RAPH1: variants seen among roughly 807,000 people sequenced by gnomAD.
The protein encoded by RAPH1 is Ras association (RalGDS/AF-6) and pleckstrin homology domains 1.
Under a neutral mutation model 88.1 loss-of-function variants are expected in RAPH1, and 18 were observed. That is an observed-to-expected ratio of 0.20 (90% CI 0.14 to 0.30). The LOEUF (loss-of-function observed/expected upper bound fraction) is 0.30, where lower values mean the gene tolerates loss of function less well. RAPH1 is among the 10% of genes least tolerant of loss of function. The pLI is 1.00. For synonymous variants in RAPH1, 587 were observed against 559.0 expected, an observed-to-expected ratio of 1.05 and a Z score of -0.71; for missense variants, 1,448 against 1,543.2, an observed-to-expected ratio of 0.94 and a Z score of 1.03.
At chr2:203,523,070 C>A (rs866925712) in intron 1 of RAPH1, among the ~76,000 whole-genome samples, 2 of 151,702 alleles carry the variant, frequency 1.3e-5, no homozygotes, top group South Asian at 4.2e-4. Context: ...AGGAATAGAC[C>A]CACACATAAA....
chr2:203,458,783 G>A (rs1486879402), intron 7 of RAPH1, among the ~76,000 whole-genome samples: 1 of 150,288 alleles, frequency 6.7e-6, no homozygotes, highest in Admixed American at 6.6e-5. Context: ...TTTTTTTTTG[G>A]AGACGGAGTC....
chr2:203,523,343 A>G (rs1689976972), intron 1 of RAPH1, among the ~76,000 whole-genome samples: 1 of 149,832 alleles, frequency 6.7e-6, no homozygotes, highest in African/African-American at 2.5e-5. Flanking sequence ...CAGTGAGCTG[A>G]GATTGTGCCA....
At position 203,441,001 on chromosome 2, in the gene RAPH1, G is replaced by T. The variant is rs149227998; in HGVS notation, c.2189C>A (p.Pro730His). Residue 730 changes from proline (P) to histidine (H), a missense_variant, in exon 14 of 14, where the codon CCT becomes CAT. Coordinates refer to ENST00000319170, the MANE Select transcript of RAPH1 (RefSeq NM_213589.3). ...TPGSAMAQLK[P>H]APCAPSLPQF... is the part of the protein sequence containing the mutation. Reference sequence around the variant, plus strand: ...TGGAAGGGATGGGGCACACGGTGCAGGCTTTAGCTGGGCCATGGCAGAGCC... The same window carrying T: ...TGGAAGGGATGGGGCACACGGTGCATGCTTTAGCTGGGCCATGGCAGAGCC... The T allele has an allele frequency of 1.3e-6, 2 of 1,556,094 alleles. No homozygotes were observed. The highest frequency in any genetic ancestry group is 4.5e-5 in the East Asian group (2 of 44,006).
intron 13 of RAPH1, chr2:203,441,686 C>T: frequency 1.5e-6 from 2 of 1,306,058 alleles, no homozygotes; most frequent in Non-Finnish European, 1.9e-6. Context: ...GCTGCAAAAG[C>T]TGTTTGAATG....
At position 203,441,425 on chromosome 2, in the gene RAPH1, A is replaced by AT. The variant is rs1559443094; in HGVS notation, c.1777-13dup. On this transcript the variant is annotated splice_polypyrimidine_tract_variant and intron_variant, in intron 13 of 13. Coordinates refer to ENST00000319170, the MANE Select transcript of RAPH1 (RefSeq NM_213589.3). ...GACTCCATTCTGGCCTAAAAGGAGTATAAAAAGGGAGTGGGAGAGAGAAAA... is the reference window on the plus strand; with the variant it reads ...GACTCCATTCTGGCCTAAAAGGAGTATTAAAAAGGGAGTGGGAGAGAGAAAA... 2.0e-6 allele frequency: 3 copies of AT among 1,520,716 alleles called. No homozygotes were observed. The East Asian group carries it at 6.8e-5, about 35-fold the overall frequency. 94.2% of individuals were successfully genotyped at this position (1,520,716 alleles called of 1,614,324 possible). A position where few individuals can be genotyped will look rare whatever the true frequency, so the allele number is the denominator to read the frequency against.
Position 203,436,191 on chromosome 2 carries a change from T to G in RAPH1, c.*3246A>C, listed in dbSNP as rs911763021. On this transcript the variant is annotated 3_prime_UTR_variant, in exon 14 of 14. Transcript: ENST00000319170. Reference sequence around the variant, plus strand: ...AGCCCTTTGCAGGATATGCCTTTGGTGGGTGGGAGCACCTAGATTTTAGAG... The same window carrying G: ...AGCCCTTTGCAGGATATGCCTTTGGGGGGTGGGAGCACCTAGATTTTAGAG... The G allele has an allele frequency of 2.6e-5, 4 of 152,204 alleles. No individual in the cohort carries two copies. Among genetic ancestry groups the G allele is most frequent in the African/African-American group, 9.7e-5 (4 of 41,450 alleles). 9.4% of individuals were successfully genotyped at this position (152,204 alleles called of 1,614,324 possible). A position where few individuals can be genotyped will look rare whatever the true frequency, so the allele number is the denominator to read the frequency against.
chr2:203,462,008 C>T (rs1198746920), intron 4 of RAPH1, 83 bp from the exon 5 acceptor site: 2 of 1,094,384 alleles, frequency 1.8e-6, no homozygotes, highest in Non-Finnish European at 2.6e-6. Flanking sequence ...AGGATGCTCC[C>T]AGCAATAAAT....
In RAPH1 at chr2:203,437,546, G is replaced by C. The variant is rs2098499488; in HGVS notation, c.*1891C>G. The C allele has an allele frequency of 6.6e-6, 1 of 152,138 alleles. No individual in the cohort carries two copies. The highest frequency in any genetic ancestry group is 1.5e-5 in the Non-Finnish European group (1 of 68,042). 9.4% of individuals were successfully genotyped at this position (152,138 alleles called of 1,614,324 possible). On this transcript the variant is annotated 3_prime_UTR_variant, in exon 14 of 14. Coordinates refer to ENST00000319170, the MANE Select transcript of RAPH1 (RefSeq NM_213589.3). Reference sequence around the variant, plus strand: ...TCATAAATATCAAACACAAAACTTGGTGAACAATTTGAAAGACCTAAAAAT... The same window carrying C: ...TCATAAATATCAAACACAAAACTTGCTGAACAATTTGAAAGACCTAAAAAT...
intron 6 of RAPH1, 64 bp downstream of exon 6, chr2:203,461,185 C>A: frequency 1.1e-6 from 1 of 943,852 alleles, no homozygotes; most frequent in Non-Finnish European, 1.5e-6. Flanking sequence ...ATGTTTTTAT[C>A]AGCATGAAAA....
chr2:203,490,960 C>T (rs1205316881), intron 3 of RAPH1, among the ~76,000 whole-genome samples: 2 of 150,186 alleles, frequency 1.3e-5, no homozygotes, highest in East Asian at 3.9e-4. Flanking sequence ...AGGAGAATCG[C>T]TTGAACCTGG....
intron 4 of RAPH1, among the ~76,000 whole-genome samples, chr2:203,476,879 C>G (rs1248779675): frequency 6.6e-6 from 1 of 152,140 alleles, no homozygotes; most frequent in Admixed American, 6.5e-5. Context: ...ATGCTACCAC[C>G]TACATAATCA....
chr2:203,446,951 T>C (rs1364040608), intron 12 of RAPH1: 1 of 151,704 alleles, frequency 6.6e-6, no homozygotes, highest in Non-Finnish European at 1.5e-5. Flanking sequence ...GGGGTCTTGC[T>C]GTGCTGCCCA....
At chr2:203,519,302 CAAGT>C (rs1004277726) in intron 1 of RAPH1, among the ~76,000 whole-genome samples, 5 of 152,052 alleles carry the variant, frequency 3.3e-5, no homozygotes, top group African/African-American at 1.2e-4. Flanking sequence ...ACACCATGAC[CAAGT>C]AAGATTTATC....
At chr2:203,517,754 C>T (rs745956097) in intron 1 of RAPH1, among the ~76,000 whole-genome samples, 1 of 151,942 alleles carries the variant, frequency 6.6e-6, no homozygotes, top group Non-Finnish European at 1.5e-5. Flanking sequence ...TACACAACAA[C>T]CTCTTAAATA....
Position 203,440,161 on chromosome 2 carries a change from G to T in RAPH1, c.3029C>A (p.Ser1010Ter). The T allele has an allele frequency of 6.2e-7, 1 of 1,613,756 alleles. No homozygotes were observed. Among genetic ancestry groups the T allele is most frequent in the Non-Finnish European group, 8.5e-7 (1 of 1,179,988 alleles). Reference protein sequence around the residue: ...LVSKFTPPAESGSPSKETLPP... With the variant: ...LVSKFTPPAE ...TAGGGTCTCCTTGCTGGGAGACCCT[G>T]ATTCTGCTGGCGGTGTAAACTTGCT... Residue 1010 changes from serine (S) to a stop codon, truncating the protein, a stop_gained, in exon 14 of 14, where the codon TCA (serine) becomes TAA (stop). Coordinates refer to ENST00000319170, the MANE Select transcript of RAPH1 (RefSeq NM_213589.3). LOFTEE classifies it high-confidence loss of function.
At chr2:203,502,547 G>A (rs1390603788) in intron 1 of RAPH1, among the ~76,000 whole-genome samples, 1 of 152,120 alleles carries the variant, frequency 6.6e-6, no homozygotes, top group African/African-American at 2.4e-5. Flanking sequence ...TTATTTATCA[G>A]GCACTTAAAT....
Position 203,495,403 on chromosome 2 carries a change from T to C in RAPH1, c.1-50A>G, listed in dbSNP as rs371926100. 1.4e-5 allele frequency: 23 copies of C among 1,602,098 alleles called. No individual in the cohort carries two copies. In the African/African-American group the frequency reaches 2.4e-4, roughly 17 times the overall value. On this transcript the variant is annotated intron_variant, in intron 1 of 13. Coordinates refer to ENST00000319170, the MANE Select transcript of RAPH1 (RefSeq NM_213589.3). ...ATGAATAGTAAGTTACAGGTTTAAC[T>C]TGAAAAATTATGCCATATATGCTCT...
Position 203,439,568 on chromosome 2 carries a change from C to G in RAPH1, c.3622G>C (p.Glu1208Gln). 1.2e-6 allele frequency: 2 copies of G among 1,614,114 alleles called. No individual in the cohort carries two copies. The highest frequency in any genetic ancestry group is 1.7e-6 in the Non-Finnish European group (2 of 1,180,024). Residue 1208 changes from glutamate to glutamine, a missense_variant, in exon 14 of 14, where the codon GAA becomes CAA. Glu to Gln is a conservative substitution (Grantham distance 29). Transcript: ENST00000319170. ...DDMALPPPPPELLSDQQKAGY... is the reference protein window; with the variant it reads ...DDMALPPPPPQLLSDQQKAGY... ...GCCTTCTGTTGATCAGACAGCAGTTCAGGGGGTGGTGGAGGCAATGCCATA... is the reference window on the plus strand; with the variant it reads ...GCCTTCTGTTGATCAGACAGCAGTTGAGGGGGTGGTGGAGGCAATGCCATA...
chr2:203,441,454 C>A (rs1581245912), intron 13 of RAPH1, 41 bp from the exon 14 acceptor site: 1 of 1,493,614 alleles, frequency 6.7e-7, no homozygotes, highest in African/African-American at 1.4e-5. Flanking sequence ...GAGAAAAACA[C>A]AACAAACAAA....
Sources: allele counts gnomAD v4.1 joint callset (sites outside exome capture counted in the v4.1 genomes callset), GRCh38; gene constraint gnomAD v4.1.1; transcripts MANE v1.5; gene names NCBI Gene and HGNC (gene_info 2026-07-23, HGNC 2026-07-21).